Variants in MOV10L1 observed in about 807,000 individuals in gnomAD.
The protein encoded by MOV10L1 is Mov10 like RNA helicase 1, also known as RNA helicase Mov10l1.
MOV10L1 carries 110 observed loss-of-function variants against 143.8 expected under a neutral mutation model. The observed-to-expected ratio is 0.76, with a 90% CI of 0.66 to 0.90. The LOEUF is 0.90. Ranked by LOEUF, MOV10L1 falls within the 40% of genes least tolerant of loss-of-function variation. The pLI, the probability that MOV10L1 is intolerant of heterozygous loss-of-function variation, is 0.00. For missense variants in MOV10L1, 1,406 were observed against 1,526.8 expected, an observed-to-expected ratio of 0.92 and a Z score of 1.32; for synonymous variants, 593 against 581.1, an observed-to-expected ratio of 1.02 and a Z score of -0.29.
intron 22 of MOV10L1, among the ~76,000 whole-genome samples, chr22:50,155,570 G>A (rs916651431): frequency 6.6e-6 from 1 of 152,090 alleles, no homozygotes; most frequent in African/African-American, 2.4e-5. Context: ...CTGCCTCCCA[G>A]TTTCAAGCAA....
chr22:50,139,274 A>T, intron 15 of MOV10L1, among the ~76,000 whole-genome samples: 1 of 152,142 alleles, frequency 6.6e-6, no homozygotes, highest in South Asian at 2.1e-4. Context: ...GCCTAAAACT[A>T]TGCATCTAGG....
At chr22:50,125,232 G>A (rs182195626) in intron 10 of MOV10L1, among the ~76,000 whole-genome samples, 160 bp from the exon 11 acceptor site, 94 of 152,342 alleles carry the variant, frequency 6.2e-4, no homozygotes, top group Middle Eastern at 3.4e-3. Flanking sequence ...GCTGAAGGCC[G>A]GGGAACTTAC....
At chr22:50,092,807 A>G (rs1218946533) in intron 2 of MOV10L1, 2 of 152,406 alleles carry the variant, frequency 1.3e-5, no homozygotes, top group African/African-American at 2.4e-5. Flanking sequence ...AGTAACATCA[A>G]TAATATACAA....
intron 3 of MOV10L1, among the ~76,000 whole-genome samples, chr22:50,104,599 CAG>C (rs2061823680): frequency 1.3e-5 from 2 of 152,050 alleles, no homozygotes; most frequent in South Asian, 2.1e-4. Flanking sequence ...TATTGGTTAA[CAG>C]AGTGATTTTA....
At chr22:50,108,323 C>A in intron 4 of MOV10L1, 75 bp downstream of exon 4, 3 of 1,316,228 alleles carry the variant, frequency 2.3e-6, no homozygotes, top group Non-Finnish European at 3.2e-6. Context: ...ACGGCCCAGG[C>A]TTCTCCTGCA....
At chr22:50,156,622 T>A (rs576770533) in intron 22 of MOV10L1, among the ~76,000 whole-genome samples, 8 of 152,148 alleles carry the variant, frequency 5.3e-5, no homozygotes, top group Non-Finnish European at 1.0e-4. Flanking sequence ...AATCATGGAG[T>A]GTTTGTCCTT....
intron 9 of MOV10L1, among the ~76,000 whole-genome samples, chr22:50,118,263 G>A (rs1479139406): frequency 6.6e-6 from 1 of 151,802 alleles, no homozygotes; most frequent in Non-Finnish European, 1.5e-5. Context: ...GAAGCTGTGT[G>A]ACCTTGGGCA....
At chr22:50,141,914 C>A (rs945026246) in intron 15 of MOV10L1, among the ~76,000 whole-genome samples, 167 bp from the exon 16 acceptor site, 1 of 152,070 alleles carries the variant, frequency 6.6e-6, no homozygotes, top group Non-Finnish European at 1.5e-5. Context: ...TTTATCTGAT[C>A]GTTTGTTTTT....
intron 19 of MOV10L1, among the ~76,000 whole-genome samples, chr22:50,146,768 C>T (rs1037931887): frequency 9.9e-5 from 15 of 152,166 alleles, no homozygotes; most frequent in Admixed American, 2.6e-4. Context: ...CAGCCAGCCA[C>T]GCCTATCACA....
intron 8 of MOV10L1, among the ~76,000 whole-genome samples, chr22:50,116,528 G>C (rs1172233419): frequency 6.6e-6 from 1 of 151,902 alleles, no homozygotes; most frequent in Non-Finnish European, 1.5e-5. Flanking sequence ...CGAGGACTGG[G>C]CAGAAAGCAC....
chr22:50,160,453 C>T (rs1416348590), intron 24 of MOV10L1, among the ~76,000 whole-genome samples: 1 of 151,518 alleles, frequency 6.6e-6, no homozygotes, highest in Non-Finnish European at 1.5e-5. Context: ...CGGGGTTTCA[C>T]CATGTTAGCC....
In MOV10L1 at chr22:50,114,572, C is replaced by G. The variant is rs145029689; in HGVS notation, c.1076C>G (p.Thr359Ser). 71 of 1,613,998 alleles carry G rather than the reference C, an allele frequency of 4.4e-5. No homozygotes were observed. The highest frequency in any genetic ancestry group is 5.2e-5 in the Non-Finnish European group (61 of 1,180,032). The change falls in exon 7 of 27, where the codon ACC (threonine) becomes AGC (serine). Residue 359 changes from threonine (T) to serine (S), a missense_variant. Physicochemically the swap from Thr to Ser is moderately conservative, Grantham distance 58. This residue lies in a region of MOV10L1 where 1,233 missense variants were observed against 1,351.4 expected (regional missense o/e 0.91). Transcript: ENST00000262794. ...NSLNSHTKNK[T>S]SQMSESSLVN... ...TTAAATAGCCACACAAAAAACAAAA[C>G]CTCTCAGATGTCGGAGAGCAGTTTG... is the stretch of plus-strand genomic sequence containing the variant.
At position 50,158,423 on chromosome 22, in the gene MOV10L1, C is replaced by G; in HGVS notation, c.3216+217C>G. 1 of 553,278 alleles carries G rather than the reference C, an allele frequency of 1.8e-6. No homozygotes were observed. Among genetic ancestry groups the G allele is most frequent in the Non-Finnish European group, 3.2e-6 (1 of 317,436 alleles). 34.3% of individuals were successfully genotyped at this position (553,278 alleles called of 1,614,324 possible). ...CTGCCAGCTTTTCTACGGCCAGAGC[C>G]TCGAACAGTTTTTACATTTCTAAAT... On this transcript the variant is annotated intron_variant, in intron 23 of 26. Coordinates refer to ENST00000262794, the MANE Select transcript of MOV10L1 (RefSeq NM_018995.3). The surrounding 1 kb of genome is among the most constrained non-coding windows in gnomAD (Gnocchi z 5.0).
intron 5 of MOV10L1, among the ~76,000 whole-genome samples, chr22:50,110,443 C>T (rs1163747560): frequency 5.4e-5 from 8 of 148,504 alleles, no homozygotes; most frequent in African/African-American, 2.0e-4. Context: ...AGTGACACTC[C>T]ATCTCAAAAA....
chr22:50,134,038 G>C lies in MOV10L1; in HGVS notation c.1942G>C (p.Glu648Gln). ...TTSRRCHFAL[E>Q]HVIHLGVKVL... ...AAGCAGACGGTGTCACTTTGCACTT[G>C]AACACGTCATCCACTTAGGTGTAAA... Residue 648 changes from glutamate (E) to glutamine (Q), a missense_variant, in exon 14 of 27, where the codon GAA (glutamate) becomes CAA (glutamine). This residue lies in a region of MOV10L1 where 1,233 missense variants were observed against 1,351.4 expected (regional missense o/e 0.91). Transcript: ENST00000262794. 1 of 1,612,318 alleles carries C rather than the reference G, an allele frequency of 6.2e-7. No homozygotes were observed. The highest frequency in any genetic ancestry group is 8.5e-7 in the Non-Finnish European group (1 of 1,179,606).
intron 10 of MOV10L1, among the ~76,000 whole-genome samples, chr22:50,124,517 G>A (rs1333108302): frequency 1.3e-5 from 2 of 152,060 alleles, no homozygotes; most frequent in African/African-American, 2.4e-5. Flanking sequence ...TTGAATATGC[G>A]GCCTTGAGTT....
intron 3 of MOV10L1, among the ~76,000 whole-genome samples, chr22:50,103,637 C>G (rs890350642): frequency 1.3e-5 from 2 of 152,160 alleles, no homozygotes; most frequent in African/African-American, 4.8e-5. Context: ...CATGTGGTGG[C>G]TCTGTCCCGG....
chr22:50,147,698 A>T (rs910195926), intron 19 of MOV10L1, among the ~76,000 whole-genome samples: 1 of 152,266 alleles, frequency 6.6e-6, no homozygotes, highest in African/African-American at 2.4e-5. Context: ...AGAAGTAGCA[A>T]TGTCATCTGG....
intron 3 of MOV10L1, among the ~76,000 whole-genome samples, chr22:50,107,537 G>T (rs1289750700): frequency 6.6e-6 from 1 of 151,778 alleles, no homozygotes; most frequent in Admixed American, 6.6e-5. Context: ...ATAACAAAAA[G>T]ATTTTAACTA....
Sources: gnomAD v4.1 joint callset for allele counts (sites outside exome capture counted in the v4.1 genomes callset) on GRCh38, gnomAD v4.1.1 for gene constraint, gnomAD v4.1.1 regional missense constraint, Gnocchi (gnomAD v3.1) non-coding constraint, MANE v1.5 for transcripts, NCBI Gene and HGNC (gene_info 2026-07-23, HGNC 2026-07-21) for gene names.